ANKIB1: variants seen among roughly 807,000 people sequenced by gnomAD.
ANKIB1 encodes ankyrin repeat and IBR domain-containing protein 1.
Under a neutral mutation model 122.1 loss-of-function variants are expected in ANKIB1, and 43 were observed. That is an observed-to-expected ratio of 0.35 (90% CI 0.28 to 0.45). ANKIB1 has a LOEUF of 0.45. ANKIB1 is among the 20% of genes least tolerant of loss of function. ANKIB1 has a pLI of 1.00. For missense variants in ANKIB1, 992 were observed against 1,329.5 expected (o/e 0.75, Z 3.95); for synonymous variants, 390 against 442.0 (o/e 0.88, Z 1.48).
At chr7:92,303,742 A>G (rs755410854) in intron 2 of ANKIB1, among the ~76,000 whole-genome samples, 34 of 152,194 alleles carry the variant, frequency 2.2e-4, no homozygotes, top group Non-Finnish European at 4.1e-4. Flanking sequence ...GGTAATTTAA[A>G]GTTTAGAACA....
At chr7:92,252,711 A>G (rs995014491) in intron 1 of ANKIB1, among the ~76,000 whole-genome samples, 2 of 152,048 alleles carry the variant, frequency 1.3e-5, no homozygotes, top group Non-Finnish European at 1.5e-5. Context: ...GACTTAGCCA[A>G]TGGTAACCTC....
intron 3 of ANKIB1, among the ~76,000 whole-genome samples, chr7:92,316,784 A>G (rs1262629939): frequency 6.6e-6 from 1 of 152,152 alleles, no homozygotes; most frequent in African/African-American, 2.4e-5. Flanking sequence ...ATATCCTTTT[A>G]ATAAGGTTCC....
chr7:92,334,418 C>A (rs950408362), intron 5 of ANKIB1, among the ~76,000 whole-genome samples: 2 of 151,930 alleles, frequency 1.3e-5, no homozygotes, highest in African/African-American at 4.8e-5. Context: ...ATTTGAGGAA[C>A]CATATGGGAC....
chr7:92,367,062 A>G (rs1804103004), intron 10 of ANKIB1, among the ~76,000 whole-genome samples: 1 of 152,222 alleles, frequency 6.6e-6, no homozygotes, highest in Non-Finnish European at 1.5e-5. Flanking sequence ...GAGGAAAGAA[A>G]TAGAAAAGCT....
intron 2 of ANKIB1, among the ~76,000 whole-genome samples, chr7:92,305,711 A>C (rs1227724339): frequency 5.3e-5 from 8 of 152,194 alleles, no homozygotes; most frequent in African/African-American, 1.9e-4. Context: ...TACTGCCGGC[A>C]TCAGAAGACC....
At chr7:92,374,215 G>T (rs925116679) in intron 11 of ANKIB1, among the ~76,000 whole-genome samples, 1 of 152,170 alleles carries the variant, frequency 6.6e-6, no homozygotes, top group Non-Finnish European at 1.5e-5. Context: ...GGTGGCTCAC[G>T]CCTGTAATCC....
intron 2 of ANKIB1, among the ~76,000 whole-genome samples, chr7:92,297,568 C>G (rs1333042043): frequency 6.6e-6 from 1 of 152,114 alleles, no homozygotes; most frequent in East Asian, 1.9e-4. Flanking sequence ...CTAAGTCTTA[C>G]TCTTGGATTT....
rs758831784 is a variant in ANKIB1 at position 92,343,067 on chromosome 7, G to A, written c.831G>A (p.Pro277=). 1.2e-5 allele frequency: 19 copies of A among 1,613,702 alleles called. No homozygotes were observed. The South Asian group carries it at 1.2e-4, about 10-fold the overall frequency. The change falls in exon 6 of 20, where the codon CCG becomes CCA. Residue 277 remains proline (P), a synonymous_variant. Transcript: ENST00000265742. ...EKLLEAWMSN[P]ENCCQRSGVQ... ...TACTTGAAGCTTGGATGTCCAACCC[G>A]GAGAACTGCTGCCAACGATCAGGTG...
chr7:92,368,486 G>A (rs557406024), intron 10 of ANKIB1, among the ~76,000 whole-genome samples: 2 of 151,958 alleles, frequency 1.3e-5, no homozygotes, highest in Admixed American at 1.3e-4. Context: ...AGAGGCCAAC[G>A]CAGGCAGATC....
intron 11 of ANKIB1, among the ~76,000 whole-genome samples, chr7:92,372,150 C>A (rs1804279862): frequency 6.6e-6 from 1 of 152,070 alleles, no homozygotes; most frequent in African/African-American, 2.4e-5. Context: ...TCTCTGTATC[C>A]ATGGGTTTCA....
At chr7:92,305,424 CTG>C (rs1802540582) in intron 2 of ANKIB1, among the ~76,000 whole-genome samples, 1 of 152,174 alleles carries the variant, frequency 6.6e-6, no homozygotes, top group Non-Finnish European at 1.5e-5. Context: ...CATGAATTTG[CTG>C]TGTTTGTGAC....
chr7:92,358,349 T>C (rs972862073), intron 9 of ANKIB1, among the ~76,000 whole-genome samples: 2 of 152,316 alleles, frequency 1.3e-5, no homozygotes, highest in East Asian at 3.9e-4. Flanking sequence ...TAGTATTGCA[T>C]TGGAAACTGT....
chr7:92,362,011 A>C (rs572450050), intron 9 of ANKIB1, among the ~76,000 whole-genome samples, 174 bp from the exon 10 acceptor site: 12 of 151,742 alleles, frequency 7.9e-5, no homozygotes, highest in Non-Finnish European at 1.8e-4. Context: ...GGGTTTCACC[A>C]TATTGGCCAG....
At chr7:92,329,659 A>G (rs956230015) in intron 5 of ANKIB1, among the ~76,000 whole-genome samples, 12 of 152,176 alleles carry the variant, frequency 7.9e-5, no homozygotes, top group Non-Finnish European at 1.6e-4. Context: ...CATTGTATTG[A>G]TTAGTGGGCA....
At chr7:92,302,457 A>G (rs2131929005) in intron 2 of ANKIB1, among the ~76,000 whole-genome samples, 1 of 152,288 alleles carries the variant, frequency 6.6e-6, no homozygotes, top group African/African-American at 2.4e-5. Context: ...CTCTGAACCC[A>G]CATGCTATGT....
At chr7:92,340,744 A>G (rs781005466) in intron 5 of ANKIB1, among the ~76,000 whole-genome samples, 1 of 152,208 alleles carries the variant, frequency 6.6e-6, no homozygotes, top group Non-Finnish European at 1.5e-5. Flanking sequence ...GCTAATGTTT[A>G]TTGTATACAA....
intron 2 of ANKIB1, among the ~76,000 whole-genome samples, chr7:92,304,691 CT>C (rs1802523030): frequency 6.6e-6 from 1 of 151,766 alleles, no homozygotes. Flanking sequence ...TCAATCATGC[CT>C]TGTAGAAGAG....
intron 2 of ANKIB1, among the ~76,000 whole-genome samples, chr7:92,304,386 C>T (rs1033655705): frequency 2.6e-5 from 4 of 152,030 alleles, no homozygotes; most frequent in East Asian, 3.9e-4. Flanking sequence ...ATGAACCCGG[C>T]GGATTGGCAA....
At chr7:92,393,198 T>C (rs1370633738) in intron 17 of ANKIB1, among the ~76,000 whole-genome samples, 1 of 152,080 alleles carries the variant, frequency 6.6e-6, no homozygotes, top group East Asian at 1.9e-4. Context: ...TTAAATCAGA[T>C]ACTTTCTCTT....
Sources: allele counts gnomAD v4.1 joint callset (sites outside exome capture counted in the v4.1 genomes callset), GRCh38; gene constraint gnomAD v4.1.1; transcripts MANE v1.5; gene names NCBI Gene and HGNC (gene_info 2026-07-23, HGNC 2026-07-21).